The following IMMP2L variants were observed in gnomAD, a reference collection of about 807,000 sequenced individuals.
IMMP2L encodes inner mitochondrial membrane peptidase subunit 2, also known as mitochondrial inner membrane protease subunit 2.
Under a neutral mutation model 19.3 loss-of-function variants are expected in IMMP2L, and 18 were observed. That is an observed-to-expected ratio of 0.93 (90% CI 0.64 to 1.38). The LOEUF is 1.38. Among genes scored for constraint, IMMP2L ranks in the 40% most tolerant of loss-of-function variants. The pLI is 0.00. For synonymous variants in IMMP2L, 76 were observed against 73.0 expected (o/e 1.04, Z -0.21); for missense variants, 233 against 218.2 (o/e 1.07, Z -0.43).
intron 3 of IMMP2L, among the ~76,000 whole-genome samples, chr7:111,360,236 T>C (rs1829134082): frequency 6.6e-6 from 1 of 152,122 alleles, no homozygotes; most frequent in Admixed American, 6.6e-5. Flanking sequence ...ATGCAAAAAC[T>C]AGATTTCCAT....
chr7:111,392,546 T>G (rs1188119978), intron 3 of IMMP2L, among the ~76,000 whole-genome samples: 3 of 152,150 alleles, frequency 2.0e-5, no homozygotes, highest in African/African-American at 7.2e-5. Context: ...TGACATCAAG[T>G]GAGAAGTGTT....
At chr7:111,551,397 A>C (rs1849438934) in intron 1 of IMMP2L, among the ~76,000 whole-genome samples, 1 of 152,130 alleles carries the variant, frequency 6.6e-6, no homozygotes, top group South Asian at 2.1e-4. Flanking sequence ...GTTCAATGAG[A>C]TTCTGAAAGT....
intron 3 of IMMP2L, among the ~76,000 whole-genome samples, chr7:111,441,655 T>C (rs980388584): frequency 6.7e-6 from 1 of 149,622 alleles, no homozygotes; most frequent in African/African-American, 2.5e-5. Flanking sequence ...AGTGAGCACA[T>C]GGTGTTGAAA....
chr7:111,057,183 T>C (rs1793592573), intron 3 of IMMP2L, among the ~76,000 whole-genome samples: 1 of 152,232 alleles, frequency 6.6e-6, no homozygotes, highest in South Asian at 2.1e-4. Flanking sequence ...CTCTGCATTT[T>C]TTAGAGCCTG....
intron 4 of IMMP2L, among the ~76,000 whole-genome samples, chr7:110,918,426 T>G (rs1585261713): frequency 6.6e-6 from 1 of 151,304 alleles, no homozygotes; most frequent in South Asian, 2.1e-4. Context: ...AATACCAAAA[T>G]AAATAGGAAT....
chr7:111,071,044 T>TA (rs562552903), intron 3 of IMMP2L, among the ~76,000 whole-genome samples: 68 of 152,166 alleles, frequency 4.5e-4, no homozygotes, highest in Middle Eastern at 3.4e-3. Flanking sequence ...TAACCCACTT[T>TA]AAAAATGGGT....
chr7:110,749,053 G>T (rs1042301910), intron 5 of IMMP2L, among the ~76,000 whole-genome samples: 10 of 151,788 alleles, frequency 6.6e-5, no homozygotes, highest in Non-Finnish European at 1.3e-4. Context: ...AGATTTACAA[G>T]AAAAAAACAA....
At chr7:111,012,492 T>C (rs1478530531) in intron 3 of IMMP2L, among the ~76,000 whole-genome samples, 1 of 152,160 alleles carries the variant, frequency 6.6e-6, no homozygotes, top group Non-Finnish European at 1.5e-5. Context: ...ATAATTCACA[T>C]ATAGTAATAT....
At chr7:111,290,801 T>G (rs1249184306) in intron 3 of IMMP2L, among the ~76,000 whole-genome samples, 1 of 127,892 alleles carries the variant, frequency 7.8e-6, no homozygotes, top group African/African-American at 2.9e-5. Context: ...TCTTTCTCTC[T>G]CTCTCTCACT....
intron 3 of IMMP2L, among the ~76,000 whole-genome samples, chr7:111,379,757 T>C (rs1018880189): frequency 2.6e-5 from 4 of 151,954 alleles, no homozygotes; most frequent in African/African-American, 9.7e-5. Flanking sequence ...CTGCCTACTA[T>C]TTGCTCATCA....
At chr7:110,990,122 A>G (rs1400131473) in intron 3 of IMMP2L, among the ~76,000 whole-genome samples, 1 of 152,216 alleles carries the variant, frequency 6.6e-6, no homozygotes, top group Middle Eastern at 3.2e-3. Context: ...AAATAAATAT[A>G]TATGACTACA....
At chr7:110,766,412 G>A (rs773517148) in intron 5 of IMMP2L, among the ~76,000 whole-genome samples, 24 of 151,808 alleles carry the variant, frequency 1.6e-4, no homozygotes, top group Non-Finnish European at 1.8e-4. Context: ...CCCACATGGC[G>A]AAGTCCCGTC....
chr7:111,433,338 T>C (rs1018978934), intron 3 of IMMP2L, among the ~76,000 whole-genome samples: 4 of 151,798 alleles, frequency 2.6e-5, no homozygotes, highest in Non-Finnish European at 4.4e-5. Context: ...AGAGATTTAA[T>C]TGGACTTACA....
chr7:110,925,564 T>C lies in IMMP2L; in HGVS notation c.305+37936A>G, dbSNP rs192437889. 9.2e-5 allele frequency among the ~76,000 whole-genome samples: 14 copies of C among 152,280 alleles called. 1 individual carries two copies. The highest frequency in any genetic ancestry group is 5.9e-5 in the Non-Finnish European group (4 of 68,012). ...CATTCAGAATTTCTTTATAATCTCCTGCTTCATTAGGTAGGAAAAAACACA... is the reference window on the plus strand; with the variant it reads ...CATTCAGAATTTCTTTATAATCTCCCGCTTCATTAGGTAGGAAAAAACACA... On this transcript the variant is annotated intron_variant, in intron 4 of 5. Coordinates refer to ENST00000405709, the MANE Select transcript of IMMP2L (RefSeq NM_032549.4).
intron 4 of IMMP2L, among the ~76,000 whole-genome samples, chr7:110,958,761 T>C (rs1000376479): frequency 2.6e-5 from 4 of 152,042 alleles, no homozygotes; most frequent in African/African-American, 9.7e-5. Flanking sequence ...CCTAGATCTG[T>C]ATCTCAAAGG....
chr7:111,024,779 C>T (rs1321529950), intron 3 of IMMP2L, among the ~76,000 whole-genome samples: 1 of 152,120 alleles, frequency 6.6e-6, no homozygotes, highest in Non-Finnish European at 1.5e-5. Flanking sequence ...ACAACTTTAG[C>T]ACCATTTACC....
At chr7:110,893,478 A>T (rs945482580) in intron 4 of IMMP2L, among the ~76,000 whole-genome samples, 5 of 152,140 alleles carry the variant, frequency 3.3e-5, no homozygotes, top group African/African-American at 1.2e-4. Context: ...TTACTTTTTT[A>T]AAAAAATAGT....
chr7:110,791,938 T>A (rs1335005284), intron 5 of IMMP2L, among the ~76,000 whole-genome samples: 1 of 151,802 alleles, frequency 6.6e-6, no homozygotes, highest in Non-Finnish European at 1.5e-5. Flanking sequence ...CCTCACATGG[T>A]TTTCCCTCCT....
Position 111,459,867 on chromosome 7 carries a change from T to C in IMMP2L, c.239+27371A>G, listed in dbSNP as rs551273703. 2.6e-5 allele frequency among the ~76,000 whole-genome samples: 4 copies of C among 152,242 alleles called. No homozygotes were observed. In the South Asian group the frequency reaches 8.3e-4, roughly 32 times the overall value. On this transcript the variant is annotated intron_variant, in intron 3 of 5. Transcript: ENST00000405709. The stretch of plus-strand genomic sequence containing the variant: ...GTGCACTGTCATTCCTAAGAAAGAA[T>C]ATGGAGCAATAAAGGAAATTGCTAA...
Sources: gnomAD v4.1 joint callset for allele counts (sites outside exome capture counted in the v4.1 genomes callset) on GRCh38, gnomAD v4.1.1 for gene constraint, MANE v1.5 for transcripts, NCBI Gene and HGNC (gene_info 2026-07-23, HGNC 2026-07-21) for gene names.